CUL5: variants seen among roughly 807,000 people sequenced by gnomAD.
CUL5 encodes cullin-5.
Under a neutral mutation model 108.8 loss-of-function variants are expected in CUL5, and 26 were observed. That is an observed-to-expected ratio of 0.24 (90% CI 0.18 to 0.33). CUL5 has a LOEUF of 0.33. Ranked by LOEUF, CUL5 falls within the 10% of genes least tolerant of loss-of-function variation. CUL5 has a pLI of 1.00. For synonymous variants in CUL5, 334 were observed against 298.0 expected (o/e 1.12, Z -1.25); for missense variants, 524 against 909.2 (o/e 0.58, Z 5.45).
intron 2 of CUL5, among the ~76,000 whole-genome samples, chr11:108,039,755 T>C (rs1862844919): frequency 6.6e-6 from 1 of 152,256 alleles, no homozygotes; most frequent in Non-Finnish European, 1.5e-5. Context: ...TTTAATGGGC[T>C]TGGTTATTCA....
chr11:108,059,432 G>T (rs1271302847), intron 7 of CUL5, among the ~76,000 whole-genome samples: 1 of 152,180 alleles, frequency 6.6e-6, no homozygotes, highest in African/African-American at 2.4e-5. Flanking sequence ...ACTTCAGAAT[G>T]ACCAGGGCAC....
chr11:108,094,876 T>C lies in CUL5; in HGVS notation c.1632T>C (p.Phe544=). Residue 544 remains phenylalanine (F), a synonymous_variant, in exon 15 of 19, where the codon TTT becomes TTC. Transcript: ENST00000393094. ...GAWSRSSEKV[F]VSLPTELEDL... ...GGTCAAGAAGTTCTGAGAAAGTCTT[T>C]GTCTCACTTCCTACTGAACTGGAGG... 2.5e-6 allele frequency: 4 copies of C among 1,613,282 alleles called. No individual in the cohort carries two copies. The highest frequency in any genetic ancestry group is 3.4e-6 in the Non-Finnish European group (4 of 1,179,548).
At chr11:108,088,734 G>A (rs1864282737) in intron 12 of CUL5, 75 bp downstream of exon 12, 4 of 1,125,324 alleles carry the variant, frequency 3.6e-6, no homozygotes, top group South Asian at 1.9e-5. Flanking sequence ...AGGACTTTCT[G>A]TGATAGTATC....
intron 3 of CUL5, 179 bp downstream of exon 3, chr11:108,046,548 A>G (rs1863072152): frequency 3.8e-6 from 2 of 526,942 alleles, no homozygotes; most frequent in Non-Finnish European, 6.7e-6. Context: ...TTTTTTTCCC[A>G]CAGTGATACT....
chr11:108,077,269 G>A (rs754272460), intron 10 of CUL5, among the ~76,000 whole-genome samples: 16 of 152,302 alleles, frequency 1.1e-4, no homozygotes, highest in African/African-American at 1.7e-4. Context: ...GGTGTGATCC[G>A]CTGTTTTTAA....
intron 13 of CUL5, among the ~76,000 whole-genome samples, chr11:108,092,162 A>G (rs1253535464): frequency 6.6e-6 from 1 of 152,178 alleles, no homozygotes; most frequent in African/African-American, 2.4e-5. Flanking sequence ...ACAAAGAGAT[A>G]CTACTTTATT....
At chr11:108,072,912 A>T (rs1863859385) in intron 9 of CUL5, among the ~76,000 whole-genome samples, 1 of 152,154 alleles carries the variant, frequency 6.6e-6, no homozygotes, top group African/African-American at 2.4e-5. Flanking sequence ...TTTTCTCTGT[A>T]AAACAGGGAG....
chr11:108,012,558 C>T lies in CUL5; in HGVS notation c.24+3186C>T, dbSNP rs1862080969. ...TTTTTTTTCAGTTTCCCTTTTTTCT[C>T]CTATGCCTATAAGAAAGTTCATATG... On this transcript the variant is annotated intron_variant, in intron 1 of 18. Transcript: ENST00000393094. Among the ~76,000 whole-genome samples, 3 of 147,400 alleles carry T rather than the reference C, an allele frequency of 2.0e-5. 1 individual carries two copies. The highest frequency in any genetic ancestry group is 4.3e-4 in the South Asian group (2 of 4,688).
At chr11:108,068,999 T>C (rs927826815) in intron 7 of CUL5, among the ~76,000 whole-genome samples, 1 of 152,196 alleles carries the variant, frequency 6.6e-6, no homozygotes, top group African/African-American at 2.4e-5. Context: ...GGTTCACACC[T>C]GTAATCCCAC....
At chr11:108,070,982 C>T (rs1591314225) in intron 8 of CUL5, among the ~76,000 whole-genome samples, 1 of 152,168 alleles carries the variant, frequency 6.6e-6, no homozygotes, top group Non-Finnish European at 1.5e-5. Flanking sequence ...ATCTATGTTG[C>T]ACTCTTTTCA....
intron 7 of CUL5, among the ~76,000 whole-genome samples, chr11:108,058,035 C>A (rs1180294943): frequency 6.6e-6 from 1 of 151,578 alleles, no homozygotes; most frequent in Non-Finnish European, 1.5e-5. Flanking sequence ...ATGGTGAAAC[C>A]CTGTCTCTAC....
At chr11:108,054,854 T>A in intron 6 of CUL5, 21 bp from the exon 7 acceptor site, 1 of 1,603,434 alleles carries the variant, frequency 6.2e-7, no homozygotes, top group Non-Finnish European at 8.5e-7. Context: ...TTAAAATGAT[T>A]GCTATTTTGC....
chr11:108,034,821 C>A (rs192817746), intron 2 of CUL5, among the ~76,000 whole-genome samples: 1 of 152,244 alleles, frequency 6.6e-6, no homozygotes, highest in African/African-American at 2.4e-5. Context: ...GGACAAAAGT[C>A]TTTTTCACTA....
chr11:108,072,189 AAAC>A lies in CUL5; in HGVS notation c.875-134_875-132del, dbSNP rs200926051. The A allele has an allele frequency of 4.2e-3, 2,606 of 623,194 alleles. 56 individuals carry two copies. In the African/African-American group the frequency reaches 0.045, roughly 11 times the overall value. 38.6% of individuals were successfully genotyped at this position (623,194 alleles called of 1,614,324 possible). ...CTGGGACCCTGTCTCAAAAACAAAAAAACAACAACAAAAAAACGAACAACTACT... is the reference window on the plus strand; with the variant it reads ...CTGGGACCCTGTCTCAAAAACAAAAAAACAACAAAAAAACGAACAACTACT... On this transcript the variant is annotated intron_variant, in intron 8 of 18. Coordinates refer to ENST00000393094, the MANE Select transcript of CUL5 (RefSeq NM_003478.6).
chr11:108,054,582 T>C, intron 5 of CUL5, 65 bp from the exon 6 acceptor site: 8 of 1,155,790 alleles, frequency 6.9e-6, no homozygotes, highest in Non-Finnish European at 8.6e-6. Context: ...ATTTATTTCA[T>C]TTATTATACT....
intron 1 of CUL5, among the ~76,000 whole-genome samples, chr11:108,019,147 C>A (rs1383953322): frequency 8.1e-6 from 1 of 124,070 alleles, no homozygotes; most frequent in South Asian, 2.6e-4. Flanking sequence ...AATGCTATGC[C>A]ATTTTCTATC....
In CUL5 at chr11:108,054,883, T is replaced by G; in HGVS notation, c.708T>G (p.Ala236=). 1 of 1,608,238 alleles carries G rather than the reference T, an allele frequency of 6.2e-7. No homozygotes were observed. The highest frequency in any genetic ancestry group is 8.5e-7 in the Non-Finnish European group (1 of 1,178,522). ...ATTTTGCTTCTGGACAGGCAGATGC[T>G]AAATTAAAAGAAGAAGAAAAACGAG... The part of the protein sequence containing the change: ...GVQNYMKYAD[A]KLKEEEKRAL... The change falls in exon 7 of 19, where the codon GCT becomes GCG. Residue 236 remains alanine, a synonymous_variant. Transcript: ENST00000393094.
At chr11:108,053,891 C>T (rs964221604) in intron 5 of CUL5, among the ~76,000 whole-genome samples, 4 of 151,696 alleles carry the variant, frequency 2.6e-5, no homozygotes, top group African/African-American at 7.3e-5. Flanking sequence ...CTCACTCTGT[C>T]ACCCAGGCTG....
chr11:108,039,253 C>T (rs1862826605), intron 2 of CUL5, among the ~76,000 whole-genome samples: 1 of 152,178 alleles, frequency 6.6e-6, no homozygotes, highest in Admixed American at 6.5e-5. Context: ...CTGCTGACCT[C>T]AGGTGATCCA....
Sources: gnomAD v4.1 joint callset for allele counts (sites outside exome capture counted in the v4.1 genomes callset) on GRCh38, gnomAD v4.1.1 for gene constraint, MANE v1.5 for transcripts, NCBI Gene and HGNC (gene_info 2026-07-23, HGNC 2026-07-21) for gene names.